Variants in RGL1 observed in about 807,000 individuals in gnomAD.
RGL1 encodes ral guanine nucleotide dissociation stimulator like 1.
In RGL1, 24 loss-of-function variants were observed where a neutral mutation model predicts 95.2. The observed-to-expected ratio is 0.25, with a 90% confidence interval of 0.18 to 0.35. The LOEUF is 0.35. Among genes scored for constraint, RGL1 ranks in the 10% least tolerant of loss-of-function variants. The pLI is 1.00. For missense variants in RGL1, 715 were observed against 936.3 expected (o/e 0.76, Z 3.08); for synonymous variants, 329 against 344.9 (o/e 0.95, Z 0.51).
At chr1:183,741,594 T>G (rs572028963) in intron 1 of RGL1, among the ~76,000 whole-genome samples, 2 of 152,370 alleles carry the variant, frequency 1.3e-5, no homozygotes, top group East Asian at 3.9e-4. Context: ...TGTTAATACT[T>G]GTTTACAATC....
intron 1 of RGL1, among the ~76,000 whole-genome samples, chr1:183,733,837 AATG>A (rs1656774813): frequency 6.6e-6 from 1 of 152,192 alleles, no homozygotes. Flanking sequence ...ATGAAGGAGG[AATG>A]ATATTTGGCA....
intron 1 of RGL1, among the ~76,000 whole-genome samples, chr1:183,806,110 TTAAGA>T (rs142193843): frequency 5.1e-4 from 78 of 151,716 alleles, no homozygotes; most frequent in African/African-American, 1.8e-3. Flanking sequence ...ACAAAACTAT[TTAAGA>T]TATGTGAGCA....
intron 4 of RGL1, among the ~76,000 whole-genome samples, chr1:183,872,951 A>G (rs569354948): frequency 6.6e-6 from 1 of 152,350 alleles, no homozygotes; most frequent in East Asian, 1.9e-4. Flanking sequence ...AAAAGAAATG[A>G]AGAAGTGATA....
intron 2 of RGL1, among the ~76,000 whole-genome samples, chr1:183,830,747 G>T (rs972567096): frequency 1.3e-5 from 2 of 151,908 alleles, no homozygotes; most frequent in Admixed American, 6.6e-5. Context: ...GAATTAATTG[G>T]TCTTCAAAAA....
At chr1:183,899,742 C>T (rs1667908956) in intron 10 of RGL1, among the ~76,000 whole-genome samples, 1 of 152,138 alleles carries the variant, frequency 6.6e-6, no homozygotes, top group Non-Finnish European at 1.5e-5. Flanking sequence ...TAGTGATGCC[C>T]CATGCTTTTG....
intron 1 of RGL1, among the ~76,000 whole-genome samples, chr1:183,663,111 A>G (rs1415690943): frequency 6.6e-6 from 1 of 151,708 alleles, no homozygotes; most frequent in East Asian, 1.9e-4. Flanking sequence ...TAAAAACCCT[A>G]GAAGAAAACC....
At chr1:183,655,501 G>A (rs1651091619) in intron 1 of RGL1, among the ~76,000 whole-genome samples, 2 of 152,222 alleles carry the variant, frequency 1.3e-5, no homozygotes, top group Admixed American at 1.3e-4. Flanking sequence ...AATTTAGAAA[G>A]CAAGCTTCAA....
chr1:183,665,788 C>T (rs1218837701), intron 1 of RGL1, among the ~76,000 whole-genome samples: 2 of 152,008 alleles, frequency 1.3e-5, no homozygotes, highest in Non-Finnish European at 2.9e-5. Context: ...CTTAGTTAAC[C>T]TGGCTTGAGG....
chr1:183,837,688 A>G (rs549717505), intron 2 of RGL1, among the ~76,000 whole-genome samples: 15 of 152,186 alleles, frequency 9.9e-5, no homozygotes, highest in Non-Finnish European at 2.2e-4. Flanking sequence ...TGGAAATGCA[A>G]CCTGTTAATT....
chr1:183,926,232 G>T lies in RGL1; in HGVS notation c.2247G>T (p.Thr749=). ...QVKLRSRTSL[T]LPRTAKRGCW... The stretch of plus-strand genomic sequence containing the variant: ...AACTGCGTAGCCGGACCAGCTTGAC[G>T]TTGCCCAGGACAGCTAAACGGGGCT... Residue 749 remains threonine (T), a synonymous_variant, in exon 18 of 18, where the codon ACG becomes ACT. Coordinates refer to ENST00000360851, the MANE Select transcript of RGL1 (RefSeq NM_001297671.3). 1 of 1,613,866 alleles carries T rather than the reference G, an allele frequency of 6.2e-7. No individual in the cohort carries two copies. The highest frequency in any genetic ancestry group is 8.5e-7 in the Non-Finnish European group (1 of 1,179,862).
At chr1:183,705,900 CT>C (rs1253945497) in intron 1 of RGL1, among the ~76,000 whole-genome samples, 3 of 152,002 alleles carry the variant, frequency 2.0e-5, no homozygotes, top group African/African-American at 7.3e-5. Flanking sequence ...ATGAGAGCTG[CT>C]TGGGGGATGG....
At chr1:183,776,768 C>CA (rs1453360463) in intron 2 of RGL1, among the ~76,000 whole-genome samples, 3 of 152,144 alleles carry the variant, frequency 2.0e-5, no homozygotes, top group African/African-American at 7.2e-5. Context: ...GCGAAGAGGG[C>CA]AGGGGTCTGA....
At chr1:183,849,960 A>G (rs1245520890) in intron 3 of RGL1, among the ~76,000 whole-genome samples, 1 of 152,178 alleles carries the variant, frequency 6.6e-6, no homozygotes, top group Non-Finnish European at 1.5e-5. Context: ...CACCAGTGAC[A>G]TTCCTGTCCA....
chr1:183,926,313 T>A lies in RGL1; in HGVS notation c.*21T>A. ...TCTGAAGGGAGGGACCAGTGGCCCC[T>A]TGTTTGCCAAAGGCAGAGTGGGGCT... On this transcript the variant is annotated 3_prime_UTR_variant, in exon 18 of 18. Coordinates refer to ENST00000360851, the MANE Select transcript of RGL1 (RefSeq NM_001297671.3). 1 of 1,587,116 alleles carries A rather than the reference T, an allele frequency of 6.3e-7. No individual in the cohort carries two copies. The highest frequency in any genetic ancestry group is 2.3e-5 in the East Asian group (1 of 44,254).
At chr1:183,769,071 T>C (rs1347053320) in intron 2 of RGL1, among the ~76,000 whole-genome samples, 1 of 152,214 alleles carries the variant, frequency 6.6e-6, no homozygotes, top group Non-Finnish European at 1.5e-5. Context: ...TTTCATTCAG[T>C]TTTTTCATTT....
chr1:183,724,443 C>A lies in RGL1; in HGVS notation c.-32-17683C>A, dbSNP rs982296759. 1.3e-5 allele frequency among the ~76,000 whole-genome samples: 2 copies of A among 152,108 alleles called. No homozygotes were observed. Among genetic ancestry groups the A allele is most frequent in the Admixed American group, 6.5e-5 (1 of 15,276 alleles). ...GCCAGAGGGGAGCCCACTTCCCTGACATATGAGTCCTAAGCCTGGCAACAT... is the reference window on the plus strand; with the variant it reads ...GCCAGAGGGGAGCCCACTTCCCTGAAATATGAGTCCTAAGCCTGGCAACAT... On this transcript the variant is annotated intron_variant, in intron 1 of 18. Coordinates refer to the RGL1 transcript ENST00000304685. This position sits in a 1 kb window ranked among gnomAD's most constrained non-coding sequence, Gnocchi z 4.1.
chr1:183,849,483 G>GTTTTTTT lies in RGL1; in HGVS notation c.347+1726_347+1732dup, dbSNP rs1418103960. On this transcript the variant is annotated intron_variant, in intron 3 of 17. Coordinates refer to ENST00000360851, the MANE Select transcript of RGL1 (RefSeq NM_001297671.3). Reference sequence around the variant, plus strand: ...ACATTTAAGTTTTCTCCAGTTTTTAGTTTTTTTTTTTTTTTTTTTTTTTGT... The same window carrying GTTTTTTT: ...ACATTTAAGTTTTCTCCAGTTTTTAGTTTTTTTTTTTTTTTTTTTTTTTTTTTTTTGT... 6.7e-4 allele frequency among the ~76,000 whole-genome samples: 81 copies of GTTTTTTT among 120,834 alleles called. 1 individual carries two copies. The highest frequency in any genetic ancestry group is 1.3e-3 in the South Asian group (5 of 3,778). 79.3% of individuals were successfully genotyped at this position (120,834 alleles called of 152,430 possible). A position where few individuals can be genotyped will look rare whatever the true frequency, so the allele number is the denominator to read the frequency against.
upstream of RGL1, among the ~76,000 whole-genome samples, chr1:183,803,573 C>A (rs1661108043): frequency 1.3e-5 from 2 of 152,142 alleles, no homozygotes; most frequent in Admixed American, 6.6e-5. Flanking sequence ...TGAATTTAAG[C>A]CGCCCTGTCC....
intron 1 of RGL1, among the ~76,000 whole-genome samples, chr1:183,726,402 G>A (rs1420143625): frequency 6.6e-6 from 1 of 151,804 alleles, no homozygotes. Flanking sequence ...AAAACAAAAA[G>A]GATGACAAAT....
Sources: gnomAD v4.1 joint callset for allele counts (sites outside exome capture counted in the v4.1 genomes callset) on GRCh38, gnomAD v4.1.1 for gene constraint, Gnocchi (gnomAD v3.1) non-coding constraint, MANE v1.5 for transcripts, NCBI Gene and HGNC (gene_info 2026-07-23, HGNC 2026-07-21) for gene names.